CELF2: variants seen among roughly 807,000 people sequenced by gnomAD.
The protein encoded by CELF2 is CUGBP Elav-like family member 2.
In CELF2, 8 loss-of-function variants were observed where a neutral mutation model predicts 62.6. That is an observed-to-expected ratio of 0.13 (90% CI 0.07 to 0.23). The LOEUF (loss-of-function observed/expected upper bound fraction) is 0.23. Ranked by LOEUF, CELF2 falls within the 10% of genes least tolerant of loss-of-function variation. The probability of loss-of-function intolerance (pLI) is 1.00; values close to 1 mark genes in which losing one functional copy is unlikely to be tolerated. For missense variants in CELF2, 333 were observed against 671.0 expected (o/e 0.50, Z 5.56); for synonymous variants, 258 against 250.0 (o/e 1.03, Z -0.30).
chr10:10,521,824 T>C, the CELF2 span, among the ~76,000 whole-genome samples: 1 of 152,222 alleles, frequency 6.6e-6, no homozygotes, highest in Non-Finnish European at 1.5e-5. Context: ...TCTGCGAAAA[T>C]GTCTGTGCTA....
At position 11,321,621 on chromosome 10, in the gene CELF2, G is replaced by A. The variant is rs555663508; in HGVS notation, c.1294+235G>A. 1.3e-5 allele frequency among the ~76,000 whole-genome samples: 2 copies of A among 152,284 alleles called. No homozygotes were observed. The highest frequency in any genetic ancestry group is 6.5e-5 in the Admixed American group (1 of 15,302). ...GGATCGCTTGAGCCCAGGAGCTGAG[G>A]CTGCAGTGAGCCATGGTCATGCCTG... is the stretch of plus-strand genomic sequence containing the variant. On this transcript the variant is annotated intron_variant, in intron 11 of 12. Coordinates refer to ENST00000633077, the MANE Select transcript of CELF2 (RefSeq NM_001326342.2). The surrounding 1 kb of genome is among the most constrained non-coding windows in gnomAD (Gnocchi z 6.2).
At chr10:10,630,516 A>G in the CELF2 span, among the ~76,000 whole-genome samples, 1 of 152,196 alleles carries the variant, frequency 6.6e-6, no homozygotes, top group African/African-American at 2.4e-5. Flanking sequence ...TTTCCTCATT[A>G]GATTAATAGG....
intron 1 of CELF2, among the ~76,000 whole-genome samples, chr10:10,875,202 T>C (rs950268095): frequency 6.6e-6 from 1 of 151,730 alleles, no homozygotes; most frequent in Non-Finnish European, 1.5e-5. Context: ...GTCTGAAAAT[T>C]TCAATTCCCA....
the CELF2 span, among the ~76,000 whole-genome samples, chr10:10,639,878 C>T: frequency 2.0e-5 from 3 of 152,144 alleles, no homozygotes; most frequent in Non-Finnish European, 4.4e-5. Flanking sequence ...ATTCACATGG[C>T]CAGCACCATT....
chr10:10,671,344 G>A, the CELF2 span, among the ~76,000 whole-genome samples: 1 of 151,976 alleles, frequency 6.6e-6, no homozygotes, highest in Non-Finnish European at 1.5e-5. Context: ...TTCACCTACT[G>A]AAGGACCTCT....
At chr10:10,539,193 C>T in the CELF2 span, among the ~76,000 whole-genome samples, 9 of 152,304 alleles carry the variant, frequency 5.9e-5, no homozygotes, top group South Asian at 1.0e-3. Context: ...ATGGTTTTGT[C>T]ATCTGAGACT....
chr10:11,336,335 C>G lies in CELF2; in HGVS notation c.*7282C>G, dbSNP rs1209286870. On this transcript the variant is annotated 3_prime_UTR_variant, in exon 13 of 13. Transcript: ENST00000633077. The surrounding 1 kb of genome is among the most constrained non-coding windows in gnomAD (Gnocchi z 5.4). Reference sequence around the variant, plus strand: ...TATTTTTGCTGTGTTCTGTTTTCTCCTCTCATGCTTGGGCAAATCACTGGG... The same window carrying G: ...TATTTTTGCTGTGTTCTGTTTTCTCGTCTCATGCTTGGGCAAATCACTGGG... The G allele has an allele frequency of 6.6e-6, 1 of 152,608 alleles. No individual in the cohort carries two copies. Among genetic ancestry groups the G allele is most frequent in the African/African-American group, 2.4e-5 (1 of 41,424 alleles). 9.5% of individuals were successfully genotyped at this position (152,608 alleles called of 1,614,324 possible). A position where few individuals can be genotyped will look rare whatever the true frequency, so the allele number is the denominator to read the frequency against.
intron 1 of CELF2, among the ~76,000 whole-genome samples, chr10:11,025,385 A>G (rs2059024756): frequency 6.6e-6 from 1 of 152,114 alleles, no homozygotes; most frequent in Non-Finnish European, 1.5e-5. Context: ...ATTGAATTAT[A>G]GGGACAGTTT....
At chr10:11,190,946 G>T (rs566568127) in intron 2 of CELF2, among the ~76,000 whole-genome samples, 1 of 152,242 alleles carries the variant, frequency 6.6e-6, no homozygotes, top group African/African-American at 2.4e-5. Flanking sequence ...AGTGTGGGGA[G>T]ATGTGAGAGT....
chr10:10,555,537 C>T, the CELF2 span, among the ~76,000 whole-genome samples: 10 of 152,244 alleles, frequency 6.6e-5, no homozygotes, highest in East Asian at 1.9e-4. Flanking sequence ...ATAATTCTCA[C>T]GTAAAACAAA....
chr10:11,053,760 G>A (rs866555447), intron 1 of CELF2, among the ~76,000 whole-genome samples: 13 of 151,510 alleles, frequency 8.6e-5, no homozygotes, highest in South Asian at 2.1e-4. Flanking sequence ...GACTACAGGC[G>A]CCCACCACCA....
chr10:11,093,286 G>T (rs2048838486), intron 1 of CELF2, among the ~76,000 whole-genome samples: 1 of 152,190 alleles, frequency 6.6e-6, no homozygotes, highest in African/African-American at 2.4e-5. Context: ...GAAAATTCCA[G>T]TGGACTATTC....
intron 1 of CELF2, among the ~76,000 whole-genome samples, chr10:11,153,961 T>C (rs1283133206): frequency 1.3e-5 from 2 of 152,224 alleles, no homozygotes; most frequent in African/African-American, 4.8e-5. Flanking sequence ...AATGAATTAA[T>C]CTGAAATTAA....
chr10:11,080,549 T>A lies in CELF2; in HGVS notation c.74+62386T>A, dbSNP rs530756846. Among the ~76,000 whole-genome samples the A allele has an allele frequency of 3.3e-5, 5 of 152,348 alleles. No homozygotes were observed. The South Asian group carries it at 1.0e-3, about 32-fold the overall frequency. ...AAAATAAGTAGACTTTGTACTTATT[T>A]CAGGCAAAGGCAGTGTTAGACGTGA... is the stretch of plus-strand genomic sequence containing the variant. On this transcript the variant is annotated intron_variant, in intron 1 of 12. Transcript: ENST00000633077.
At chr10:10,607,012 CAAAG>C in the CELF2 span, among the ~76,000 whole-genome samples, 1 of 152,058 alleles carries the variant, frequency 6.6e-6, no homozygotes, top group Admixed American at 6.6e-5. Context: ...AAGAAAAAAA[CAAAG>C]AAAAATATTG....
intron 2 of CELF2, among the ~76,000 whole-genome samples, chr10:10,989,188 A>T (rs576921322): frequency 3.9e-5 from 6 of 152,174 alleles, no homozygotes; most frequent in Non-Finnish European, 8.8e-5. Context: ...TTTTTCCCAG[A>T]TAAATCCAAG....
chr10:10,488,282 GA>G, the CELF2 span, among the ~76,000 whole-genome samples: 1 of 152,132 alleles, frequency 6.6e-6, no homozygotes, highest in African/African-American at 2.4e-5. Flanking sequence ...TGAAAGAGTT[GA>G]AAACATGAGT....
chr10:10,686,707 C>T, the CELF2 span, among the ~76,000 whole-genome samples: 3 of 152,152 alleles, frequency 2.0e-5, no homozygotes, highest in Admixed American at 1.3e-4. Flanking sequence ...CCGCCATGAT[C>T]GTGAGTTGCC....
At chr10:10,962,497 G>A (rs145671915) in intron 2 of CELF2, among the ~76,000 whole-genome samples, 2 of 152,006 alleles carry the variant, frequency 1.3e-5, no homozygotes, top group East Asian at 3.9e-4. Context: ...CCAAGGCTGG[G>A]TAAGTGCTTG....
Sources: allele counts gnomAD v4.1 joint callset (sites outside exome capture counted in the v4.1 genomes callset), GRCh38; gene constraint gnomAD v4.1.1; non-coding constraint Gnocchi (gnomAD v3.1); transcripts MANE v1.5; gene names NCBI Gene and HGNC (gene_info 2026-07-23, HGNC 2026-07-21).